Variants in GNE observed in about 807,000 individuals in gnomAD.
GNE encodes bifunctional UDP-N-acetylglucosamine 2-epimerase/N-acetylmannosamine kinase.
Under a neutral mutation model 61.8 loss-of-function variants are expected in GNE, and 41 were observed. That is an observed-to-expected ratio of 0.66 (90% CI 0.52 to 0.86). The LOEUF (loss-of-function observed/expected upper bound fraction) is 0.86, where lower values mean the gene tolerates loss of function less well. Among genes scored for constraint, GNE ranks in the 40% least tolerant of loss-of-function variants. The pLI is 0.00. For synonymous variants in GNE, 264 were observed against 326.4 expected (o/e 0.81, Z 2.06); for missense variants, 608 against 909.1 (o/e 0.67, Z 4.26).
At chr9:36,237,121 A>G (rs545230644) in intron 3 of GNE, 137 bp from the exon 4 acceptor site, 36 of 699,460 alleles carry the variant, frequency 5.1e-5, no homozygotes, top group Non-Finnish European at 9.0e-5. Context: ...AATTGTGAAC[A>G]GGGCATCCAA....
intron 1 of GNE, among the ~76,000 whole-genome samples, chr9:36,272,417 C>G (rs968286789): frequency 3.3e-5 from 5 of 151,330 alleles, no homozygotes; most frequent in Non-Finnish European, 5.9e-5. Context: ...TTCAGGAGAT[C>G]GAGACCATCC....
intron 1 of GNE, among the ~76,000 whole-genome samples, chr9:36,270,979 T>C (rs978725904): frequency 6.6e-6 from 1 of 152,230 alleles, no homozygotes; most frequent in African/African-American, 2.4e-5. Flanking sequence ...CTTTCATCTA[T>C]CTTGCACATT....
intron 7 of GNE, among the ~76,000 whole-genome samples, chr9:36,225,937 AT>A (rs1259136081): frequency 2.0e-5 from 3 of 152,056 alleles, no homozygotes; most frequent in African/African-American, 7.2e-5. Flanking sequence ...GGAGCCAAGC[AT>A]TTTTTTGTCT....
upstream of GNE, among the ~76,000 whole-genome samples, chr9:36,262,859 G>A (rs1471096016): frequency 6.6e-6 from 1 of 152,152 alleles, no homozygotes; most frequent in Non-Finnish European, 1.5e-5. Context: ...CTGCCTCTCT[G>A]TAAATTCTAC....
chr9:36,267,579 C>T (rs1830852685), intron 1 of GNE, among the ~76,000 whole-genome samples: 1 of 151,938 alleles, frequency 6.6e-6, no homozygotes. Flanking sequence ...GCCTGTAATC[C>T]TAGCTACTCG....
At chr9:36,266,009 C>T (rs1456728469) in intron 1 of GNE, among the ~76,000 whole-genome samples, 1 of 152,142 alleles carries the variant, frequency 6.6e-6, no homozygotes. Flanking sequence ...GGCTTCTTGG[C>T]TCACTGTAAG....
intron 5 of GNE, among the ~76,000 whole-genome samples, chr9:36,230,036 T>A (rs1303781523): frequency 6.6e-6 from 1 of 152,064 alleles, no homozygotes; most frequent in Non-Finnish European, 1.5e-5. Flanking sequence ...AACCTCTACC[T>A]CCCAGGTTCA....
chr9:36,261,871 G>A (rs886208800), upstream of GNE, among the ~76,000 whole-genome samples: 3 of 147,978 alleles, frequency 2.0e-5, no homozygotes, highest in Admixed American at 2.0e-4. Context: ...TGCAGTGAGC[G>A]GAGATCGCGC....
chr9:36,246,626 A>C (rs1829886745), intron 2 of GNE, 144 bp from the exon 3 acceptor site: 4 of 604,418 alleles, frequency 6.6e-6, no homozygotes, highest in East Asian at 3.0e-5. Flanking sequence ...CATAAAAAGC[A>C]TAGACCATAA....
At chr9:36,276,338 A>G (rs1160849143) in intron 1 of GNE, among the ~76,000 whole-genome samples, 1 of 152,228 alleles carries the variant, frequency 6.6e-6, no homozygotes, top group Admixed American at 6.5e-5. Flanking sequence ...AAACTACACT[A>G]TAGTATAGCA....
chr9:36,219,924 G>A lies in GNE; in HGVS notation c.1730C>T (p.Pro577Leu), dbSNP rs1828512489. 1 of 1,614,140 alleles carries A rather than the reference G, an allele frequency of 6.2e-7. No homozygotes were observed. The highest frequency in any genetic ancestry group is 8.5e-7 in the Non-Finnish European group (1 of 1,180,000). The change falls in exon 10 of 12, where the codon CCT (proline) becomes CTT (leucine). Residue 577 changes from proline (P) to leucine (L), a missense_variant. Pro to Leu is a moderately conservative substitution (Grantham distance 98). Transcript: ENST00000642385. Reference protein sequence around the residue: ...LGHLVVSLDGPDCSCGSHGCI... With the variant: ...LGHLVVSLDGLDCSCGSHGCI... ...CCCATGGCTTCCACAGGAACAATCA[G>A]GCCCATCCAGAGACACAACAAGGTG...
intron 1 of GNE, among the ~76,000 whole-genome samples, chr9:36,265,847 TG>T (rs1188822511): frequency 6.6e-6 from 1 of 152,238 alleles, no homozygotes; most frequent in Non-Finnish European, 1.5e-5. Flanking sequence ...ATGCCACCAC[TG>T]TTCTGACAGG....
Position 36,273,221 on chromosome 9 carries a change from A to ATTTTT in GNE, c.51+3668_51+3672dup, listed in dbSNP as rs34635171. ...GTGCTAGACATTATGCACTCCATAA[A>ATTTTT]TTTTTTTTTTTTTTGAGACAATGTC... On this transcript the variant is annotated intron_variant, in intron 1 of 11. Transcript: ENST00000396594. Among the ~76,000 whole-genome samples, 11 of 146,418 alleles carry ATTTTT rather than the reference A, an allele frequency of 7.5e-5. 1 individual carries two copies. Among genetic ancestry groups the ATTTTT allele is most frequent in the South Asian group, 2.2e-4 (1 of 4,576 alleles).
At chr9:36,259,231 TA>T (rs1437253212), upstream of GNE, among the ~76,000 whole-genome samples, 2 of 152,208 alleles carry the variant, frequency 1.3e-5, no homozygotes, top group Non-Finnish European at 2.9e-5. Flanking sequence ...TAAGACTTTT[TA>T]ATGACCCTTT....
intron 1 of GNE, 142 bp downstream of exon 1, chr9:36,258,179 G>T: frequency 3.5e-6 from 1 of 285,022 alleles, no homozygotes; most frequent in Non-Finnish European, 5.3e-6. Context: ...TTGGGCGAGA[G>T]CCGGGTCCAG....
intron 9 of GNE, among the ~76,000 whole-genome samples, chr9:36,221,689 C>CA (rs1170533898): frequency 6.6e-6 from 1 of 152,060 alleles, no homozygotes; most frequent in African/African-American, 2.4e-5. Flanking sequence ...AAAAGAAAAA[C>CA]AAAAACCAGG....
chr9:36,225,944 T>G (rs984758488), intron 7 of GNE, among the ~76,000 whole-genome samples: 26 of 152,292 alleles, frequency 1.7e-4, no homozygotes, highest in African/African-American at 6.0e-4. Flanking sequence ...AGCATTTTTT[T>G]GTCTATTAAT....
At chr9:36,226,492 G>A (rs1220099182) in intron 7 of GNE, among the ~76,000 whole-genome samples, 1 of 152,032 alleles carries the variant, frequency 6.6e-6, no homozygotes, top group Non-Finnish European at 1.5e-5. Flanking sequence ...CCTTCTATTA[G>A]TTTTTAAAAG....
chr9:36,227,633 G>C (rs144485929), intron 6 of GNE, among the ~76,000 whole-genome samples, 175 bp from the exon 7 acceptor site: 1 of 152,142 alleles, frequency 6.6e-6, no homozygotes, highest in African/African-American at 2.4e-5. Flanking sequence ...CAGCACTTTG[G>C]GGGGCTGAGG....
Sources: gnomAD v4.1 joint callset for allele counts (sites outside exome capture counted in the v4.1 genomes callset) on GRCh38, gnomAD v4.1.1 for gene constraint, MANE v1.5 for transcripts, NCBI Gene and HGNC (gene_info 2026-07-23, HGNC 2026-07-21) for gene names.